NXN: variants seen among roughly 807,000 people sequenced by gnomAD.
NXN encodes the protein nucleoredoxin, also known as nucleoredoxin 1.
In NXN, 16 loss-of-function variants were observed where a neutral mutation model predicts 48.6. The observed-to-expected ratio is 0.33, with a 90% CI of 0.22 to 0.50. NXN has a LOEUF of 0.50. Among genes scored for constraint, NXN ranks in the 20% least tolerant of loss-of-function variants. NXN has a pLI of 0.98. For missense variants in NXN, 492 were observed against 605.5 expected, an observed-to-expected ratio of 0.81 and a Z score of 1.97; for synonymous variants, 281 against 269.6, an observed-to-expected ratio of 1.04 and a Z score of -0.41.
At position 979,452 on chromosome 17, in the gene NXN, G is replaced by A; in HGVS notation, c.227C>T (p.Ala76Val). 2 of 1,225,850 alleles carry A rather than the reference G, an allele frequency of 1.6e-6. No homozygotes were observed. The highest frequency in any genetic ancestry group is 2.0e-6 in the Non-Finnish European group (2 of 976,562). The allele number at this position is 1,225,850 out of a possible 1,614,324, so 75.9% of individuals were successfully genotyped here. A position where few individuals can be genotyped will look rare whatever the true frequency, so the allele number is the denominator to read the frequency against. The part of the protein sequence containing the change: ...AGPGPGAGAG[A>V]AAEPEPRRRL... ...CCGCCGCGGCTCGGGCTCCGCCGCC[G>A]CCCCGGCCCCCGCTCCCGGCCCCGG... The change falls in exon 1 of 8, where the codon GCG (alanine) becomes GTG (valine). Residue 76 changes from alanine to valine, a missense_variant. Ala to Val is a moderately conservative substitution (Grantham distance 64). Around this residue, in one of 3 missense-constraint regions of NXN, gnomAD observed 186 missense variants for 199.1 expected, o/e 0.93. Coordinates refer to ENST00000336868, the MANE Select transcript of NXN (RefSeq NM_022463.5).
chr17:946,225 T>A (rs866715474), intron 1 of NXN, among the ~76,000 whole-genome samples: 26 of 40,412 alleles, frequency 6.4e-4, no homozygotes, highest in African/African-American at 9.8e-4. Flanking sequence ...AAGCTCCGCC[T>A]CCCGGGGATC....
chr17:840,555 G>A (rs1444713294), intron 1 of NXN, among the ~76,000 whole-genome samples: 3 of 152,146 alleles, frequency 2.0e-5, no homozygotes, highest in Non-Finnish European at 4.4e-5. Flanking sequence ...TAGCCAGGAT[G>A]GTCTTGATCT....
chr17:803,941 T>C (rs1911344130), intron 6 of NXN, 135 bp from the exon 7 acceptor site: 3 of 1,142,162 alleles, frequency 2.6e-6, no homozygotes, highest in Non-Finnish European at 3.8e-6. Flanking sequence ...GAACTTCCCC[T>C]TGGATGCAGG....
At chr17:864,171 C>T (rs990175769) in intron 1 of NXN, 16 of 1,125,206 alleles carry the variant, frequency 1.4e-5, no homozygotes, top group South Asian at 7.4e-5. Context: ...GGTGAAGGGA[C>T]GCGTCTGCCG....
intron 1 of NXN, among the ~76,000 whole-genome samples, chr17:924,357 C>T (rs1021096557): frequency 1.3e-5 from 2 of 152,212 alleles, no homozygotes; most frequent in Admixed American, 1.3e-4. Flanking sequence ...CTGCCTCAGC[C>T]CCCCGCGTAG....
chr17:979,362 T>A lies in NXN; in HGVS notation c.317A>T (p.Asp106Val). ...GTAGGGCAGCGCCAGCCACGGCATG[T>A]CCCGCACGAAGTCCTGCCACTGCCG... Reference protein sequence around the residue: ...DQRQWQDFVRDMPWLALPYKE... With the variant: ...DQRQWQDFVRVMPWLALPYKE... The change falls in exon 1 of 8, where the codon GAC (aspartate) becomes GTC (valine). Residue 106 changes from aspartate (D) to valine (V), a missense_variant. Coordinates refer to ENST00000336868, the MANE Select transcript of NXN (RefSeq NM_022463.5). The A allele has an allele frequency of 6.5e-7, 1 of 1,532,012 alleles. No individual in the cohort carries two copies. The allele number at this position is 1,532,012 out of a possible 1,614,324, so 94.9% of individuals were successfully genotyped here. A position where few individuals can be genotyped will look rare whatever the true frequency, so the allele number is the denominator to read the frequency against.
chr17:803,815 G>C lies in NXN; in HGVS notation c.1001-9C>G. The C allele has an allele frequency of 6.2e-7, 1 of 1,613,992 alleles. No individual in the cohort carries two copies. Among genetic ancestry groups the C allele is most frequent in the Non-Finnish European group, 8.5e-7 (1 of 1,179,988 alleles). ...TCCGTCATCCTCAGAATCTGTGATT[G>C]GGTCGGGGGTAGAAAAAGACGGGGA... On this transcript the variant is annotated splice_polypyrimidine_tract_variant and intron_variant, in intron 6 of 7. Coordinates refer to ENST00000336868, the MANE Select transcript of NXN (RefSeq NM_022463.5).
At chr17:921,269 T>C (rs1015430967) in intron 1 of NXN, among the ~76,000 whole-genome samples, 3 of 152,060 alleles carry the variant, frequency 2.0e-5, no homozygotes, top group East Asian at 3.9e-4. Flanking sequence ...GCAACCTCTA[T>C]GTTCCTCTGG....
chr17:918,944 A>G (rs1035687296), intron 1 of NXN, among the ~76,000 whole-genome samples: 1 of 151,976 alleles, frequency 6.6e-6, no homozygotes, highest in Non-Finnish European at 1.5e-5. Flanking sequence ...GTGCGCCTGT[A>G]GTCCCAGCTA....
intron 1 of NXN, among the ~76,000 whole-genome samples, chr17:941,485 T>C (rs1257192627): frequency 8.2e-6 from 1 of 122,162 alleles, no homozygotes; most frequent in African/African-American, 3.4e-5. Flanking sequence ...TGAACAAGAT[T>C]CCAGGGTGCA....
Position 897,082 on chromosome 17 carries a change from G to C in NXN, c.361-71004C>G, listed in dbSNP as rs1011955929. ...GCGTGAGCTTTGACAGCCAGGGACT[G>C]GTAACCCACGGCCACCGCGCCCAAG... On this transcript the variant is annotated intron_variant, in intron 1 of 7. Coordinates refer to ENST00000336868, the MANE Select transcript of NXN (RefSeq NM_022463.5). 4.7e-6 allele frequency: 5 copies of C among 1,053,428 alleles called. No individual in the cohort carries two copies. In the African/African-American group the frequency reaches 8.7e-5, roughly 18 times the overall value. The allele number at this position is 1,053,428 out of a possible 1,614,324, so 65.3% of individuals were successfully genotyped here. A position where few individuals can be genotyped will look rare whatever the true frequency, so the allele number is the denominator to read the frequency against.
intron 1 of NXN, among the ~76,000 whole-genome samples, chr17:965,756 G>A (rs1443857526): frequency 6.6e-6 from 1 of 152,134 alleles, no homozygotes; most frequent in Non-Finnish European, 1.5e-5. Flanking sequence ...AAGGGGCTTT[G>A]ATGACTGTAG....
At chr17:898,051 C>G (rs1043547962) in intron 1 of NXN, among the ~76,000 whole-genome samples, 3 of 152,180 alleles carry the variant, frequency 2.0e-5, no homozygotes, top group Admixed American at 2.0e-4. Flanking sequence ...GCTGGTCAAG[C>G]AATGCTTAAT....
chr17:950,501 G>C (rs2360108), intron 1 of NXN, among the ~76,000 whole-genome samples: 58,973 of 148,412 alleles, frequency 0.4, 12,408 homozygotes, highest in African/African-American at 0.57. Context: ...ATCCCCTGTC[G>C]ATTCCCCAAA....
In NXN at chr17:804,195, G is replaced by A. The variant is rs561039251; in HGVS notation, c.1001-389C>T. Among the ~76,000 whole-genome samples, 11 of 151,602 alleles carry A rather than the reference G, an allele frequency of 7.3e-5. No homozygotes were observed. The South Asian group carries it at 1.0e-3, about 14-fold the overall frequency. On this transcript the variant is annotated intron_variant, in intron 6 of 7. Coordinates refer to ENST00000336868, the MANE Select transcript of NXN (RefSeq NM_022463.5). Reference sequence around the variant, plus strand: ...CACAGAATGAGAAGCCATGACCTCCGACCTCCGACTTCCCAGTGAAAATGG... The same window carrying A: ...CACAGAATGAGAAGCCATGACCTCCAACCTCCGACTTCCCAGTGAAAATGG...
chr17:885,711 C>CTT (rs2068338611), intron 1 of NXN, among the ~76,000 whole-genome samples: 2 of 123,312 alleles, frequency 1.6e-5, no homozygotes, highest in South Asian at 2.8e-4. Flanking sequence ...GAGACAGAGT[C>CTT]GCTCTGTCCC....
At chr17:834,730 C>T (rs8080028) in intron 1 of NXN, among the ~76,000 whole-genome samples, 50 of 150,948 alleles carry the variant, frequency 3.3e-4, no homozygotes, top group Admixed American at 2.9e-3. Context: ...ACGTTGGGCA[C>T]GCTGGTCTCG....
intron 1 of NXN, among the ~76,000 whole-genome samples, chr17:833,854 C>G (rs1043217483): frequency 1.3e-5 from 2 of 152,092 alleles, no homozygotes; most frequent in African/African-American, 2.4e-5. Flanking sequence ...CTGCCGAAAA[C>G]CTAAGATGAC....
At chr17:939,825 T>C (rs901708345) in intron 1 of NXN, among the ~76,000 whole-genome samples, 2 of 152,256 alleles carry the variant, frequency 1.3e-5, no homozygotes, top group African/African-American at 2.4e-5. Context: ...CATGCTTTTT[T>C]TGTATTCGAT....
Sources: allele counts gnomAD v4.1 joint callset (sites outside exome capture counted in the v4.1 genomes callset), GRCh38; gene constraint gnomAD v4.1.1; regional missense constraint gnomAD v4.1.1; transcripts MANE v1.5; gene names NCBI Gene and HGNC (gene_info 2026-07-23, HGNC 2026-07-21).